Variants in FLYWCH2 observed in about 807,000 individuals in gnomAD.
FLYWCH2 encodes FLYWCH family member 2.
In FLYWCH2, 2 loss-of-function variants were observed where a neutral mutation model predicts 6.0. The observed-to-expected ratio is 0.33, with a 90% CI of 0.14 to 1.04. The LOEUF (loss-of-function observed/expected upper bound fraction) is 1.04, where lower values mean the gene tolerates loss of function less well. Among genes scored for constraint, FLYWCH2 ranks in the 50% least tolerant of loss-of-function variants. The pLI is 0.45. For missense variants in FLYWCH2, 192 were observed against 183.4 expected, an observed-to-expected ratio of 1.05 and a Z score of -0.27; for synonymous variants, 87 against 79.3, an observed-to-expected ratio of 1.10 and a Z score of -0.52.
intron 1 of FLYWCH2, among the ~76,000 whole-genome samples, chr16:2,887,313 C>CTTTT (rs71158114): frequency 3.0e-4 from 22 of 72,524 alleles, no homozygotes; most frequent in Admixed American, 6.2e-4. Context: ...GCCCGGCTTT[C>CTTTT]TTTTTTTTTT....
intron 3 of FLYWCH2, 33 bp downstream of exon 3, chr16:2,896,804 C>T (rs981163449): frequency 8.2e-6 from 13 of 1,586,176 alleles, no homozygotes; most frequent in Middle Eastern, 1.7e-4. Context: ...CAGGACAGCT[C>T]GGCACCTCCC....
At chr16:2,888,846 A>G (rs2069725972) in intron 1 of FLYWCH2, among the ~76,000 whole-genome samples, 1 of 152,152 alleles carries the variant, frequency 6.6e-6, no homozygotes. Flanking sequence ...TTCATGAGCT[A>G]GAGCAAATAT....
intron 1 of FLYWCH2, among the ~76,000 whole-genome samples, chr16:2,893,962 C>G (rs1310277344): frequency 2.6e-5 from 4 of 152,128 alleles, no homozygotes; most frequent in Non-Finnish European, 4.4e-5. Context: ...TTGTACAGCT[C>G]AGAGTTGGCC....
intron 1 of FLYWCH2, among the ~76,000 whole-genome samples, chr16:2,884,463 C>T (rs1306924052): frequency 1.4e-5 from 2 of 147,278 alleles, no homozygotes; most frequent in Non-Finnish European, 3.0e-5. Flanking sequence ...TGGTTCACGC[C>T]TGTAATCCTA....
At chr16:2,898,097 G>T (rs1184991449) in intron 3 of FLYWCH2, among the ~76,000 whole-genome samples, 1 of 152,168 alleles carries the variant, frequency 6.6e-6, no homozygotes, top group Non-Finnish European at 1.5e-5. Flanking sequence ...GATGGAAATT[G>T]AGGGGTGAGT....
intron 3 of FLYWCH2, among the ~76,000 whole-genome samples, chr16:2,897,180 C>T (rs552393970): frequency 2.8e-4 from 43 of 152,312 alleles, no homozygotes; most frequent in South Asian, 1.2e-3. Context: ...TCTCACTCAC[C>T]GTTCAGTCAC....
chr16:2,899,180 C>A lies in FLYWCH2; in HGVS notation c.*31C>A. ...ACAACAGGCGCATCCTCCCAGGCCACCAACCCAGCCATAGGCTCTTCTCTG... is the reference window on the plus strand; with the variant it reads ...ACAACAGGCGCATCCTCCCAGGCCAACAACCCAGCCATAGGCTCTTCTCTG... On this transcript the variant is annotated 3_prime_UTR_variant, in exon 4 of 4. Coordinates refer to ENST00000396958, the MANE Select transcript of FLYWCH2 (RefSeq NM_138439.3). The A allele has an allele frequency of 6.4e-7, 1 of 1,557,040 alleles. No individual in the cohort carries two copies. Among genetic ancestry groups the A allele is most frequent in the Non-Finnish European group, 8.8e-7 (1 of 1,136,498 alleles).
At chr16:2,883,973 C>A (rs1052328714) in intron 1 of FLYWCH2, among the ~76,000 whole-genome samples, 2 of 152,198 alleles carry the variant, frequency 1.3e-5, no homozygotes, top group African/African-American at 4.8e-5. Context: ...AGTAGCAGTT[C>A]TTGGCCTTCT....
chr16:2,894,584 C>T (rs1467625531), intron 1 of FLYWCH2, among the ~76,000 whole-genome samples: 1 of 152,218 alleles, frequency 6.6e-6, no homozygotes, highest in African/African-American at 2.4e-5. Context: ...AAGGGCCGCA[C>T]GGGAGGAACA....
At chr16:2,897,118 G>C (rs1246496656) in intron 3 of FLYWCH2, among the ~76,000 whole-genome samples, 1 of 152,242 alleles carries the variant, frequency 6.6e-6, no homozygotes, top group African/African-American at 2.4e-5. Context: ...GGGTCTCTAA[G>C]ACCGGGGGCT....
At chr16:2,893,813 AT>A (rs1360567302) in intron 1 of FLYWCH2, among the ~76,000 whole-genome samples, 1 of 151,052 alleles carries the variant, frequency 6.6e-6, no homozygotes, top group Non-Finnish European at 1.5e-5. Context: ...AATTTTTTGT[AT>A]TTTTTAGTGG....
At chr16:2,890,579 CA>C (rs199532176) in intron 1 of FLYWCH2, among the ~76,000 whole-genome samples, 9,892 of 147,976 alleles carry the variant, frequency 0.067, 429 homozygotes, top group Non-Finnish European at 0.1. Flanking sequence ...CACGCCCGGC[CA>C]ATTTTTTTTT....
At chr16:2,890,485 G>T (rs1282719388) in intron 1 of FLYWCH2, among the ~76,000 whole-genome samples, 3 of 151,732 alleles carry the variant, frequency 2.0e-5, no homozygotes, top group Non-Finnish European at 4.4e-5. Context: ...CGCGATCTTG[G>T]CTCACCGCAA....
chr16:2,894,648 C>T (rs1346821624), intron 1 of FLYWCH2, among the ~76,000 whole-genome samples: 2 of 152,362 alleles, frequency 1.3e-5, no homozygotes, highest in African/African-American at 2.4e-5. Context: ...CCCTGCGGTA[C>T]TCTGCAGTCA....
At chr16:2,892,482 C>T (rs937165525) in intron 1 of FLYWCH2, among the ~76,000 whole-genome samples, 4 of 140,782 alleles carry the variant, frequency 2.8e-5, no homozygotes, top group Non-Finnish European at 6.2e-5. Context: ...GGAGACAGAG[C>T]GAGACTCCAT....
intron 3 of FLYWCH2, among the ~76,000 whole-genome samples, chr16:2,897,122 G>A (rs78070081): frequency 0.011 from 1,628 of 152,278 alleles, 14 homozygotes; most frequent in Non-Finnish European, 0.017. Context: ...CTCTAAGACC[G>A]GGGGCTTGAT....
At chr16:2,895,498 C>T (rs1019255284) in intron 2 of FLYWCH2, among the ~76,000 whole-genome samples, 178 bp downstream of exon 2, 2 of 152,230 alleles carry the variant, frequency 1.3e-5, no homozygotes, top group African/African-American at 2.4e-5. Context: ...CCTGTAGTCC[C>T]AGCTACTCGG....
At chr16:2,896,879 C>T (rs1016501903) in intron 3 of FLYWCH2, 108 bp downstream of exon 3, 1 of 1,105,574 alleles carries the variant, frequency 9.0e-7, no homozygotes, top group East Asian at 2.6e-5. Flanking sequence ...GGTCCTTGTT[C>T]CCTGACTTTG....
rs1014153309 is a variant in FLYWCH2, at chr16:2,887,269, C to A, written c.-200+3903C>A. Among the ~76,000 whole-genome samples the A allele has an allele frequency of 3.3e-5, 5 of 151,526 alleles. No individual in the cohort carries two copies. In the South Asian group the frequency reaches 8.3e-4, roughly 25 times the overall value. On this transcript the variant is annotated intron_variant, in intron 1 of 3. Coordinates refer to ENST00000396958, the MANE Select transcript of FLYWCH2 (RefSeq NM_138439.3). ...TAAGCAATCCTTCCACCTCAGCTTCCCAAGTAGCTGGGACCACGGGTGCAC... is the reference window on the plus strand; with the variant it reads ...TAAGCAATCCTTCCACCTCAGCTTCACAAGTAGCTGGGACCACGGGTGCAC...
Sources: gnomAD v4.1 joint callset for allele counts (sites outside exome capture counted in the v4.1 genomes callset) on GRCh38, gnomAD v4.1.1 for gene constraint, MANE v1.5 for transcripts, NCBI Gene and HGNC (gene_info 2026-07-23, HGNC 2026-07-21) for gene names.